The following RBFOX3 variants were observed in gnomAD, a reference collection of about 807,000 sequenced individuals.
The protein encoded by RBFOX3 is RNA binding protein fox-1 homolog 3.
RBFOX3 carries 17 observed loss-of-function variants against 48.7 expected under a neutral mutation model. The observed-to-expected ratio is 0.35, with a 90% CI of 0.24 to 0.52. The LOEUF is 0.52. Ranked by LOEUF, RBFOX3 falls within the 20% of genes least tolerant of loss-of-function variation. The pLI is 0.94. For missense variants in RBFOX3, 382 were observed against 497.5 expected, an observed-to-expected ratio of 0.77 and a Z score of 2.21; for synonymous variants, 212 against 209.5, an observed-to-expected ratio of 1.01 and a Z score of -0.10.
chr17:79,560,520 C>T (rs1276599692), intron 1 of RBFOX3, among the ~76,000 whole-genome samples: 2 of 152,148 alleles, frequency 1.3e-5, no homozygotes, highest in African/African-American at 4.8e-5. Context: ...ACGGTGGGCA[C>T]CTAATGAGCA....
chr17:79,627,343 T>G, the RBFOX3 span, among the ~76,000 whole-genome samples: 2 of 152,092 alleles, frequency 1.3e-5, no homozygotes, highest in Non-Finnish European at 2.9e-5. Flanking sequence ...CCATGGCACC[T>G]GAGAAATAGG....
intron 3 of RBFOX3, among the ~76,000 whole-genome samples, chr17:79,276,434 C>T (rs2068839079): frequency 6.6e-6 from 1 of 152,096 alleles, no homozygotes; most frequent in Non-Finnish European, 1.5e-5. Context: ...GCCTATAATC[C>T]CAGCACTTTG....
chr17:79,315,211 G>A (rs1347357505), intron 2 of RBFOX3, among the ~76,000 whole-genome samples: 1 of 152,170 alleles, frequency 6.6e-6, no homozygotes, highest in Admixed American at 6.5e-5. Context: ...GATTCCGGAG[G>A]GAGCCACTTC....
At chr17:79,106,552 C>T (rs953734452) in intron 6 of RBFOX3, 99 bp downstream of exon 6, 274 of 1,359,574 alleles carry the variant, frequency 2.0e-4, no homozygotes, top group Middle Eastern at 7.6e-4. Context: ...GCAGGAAACC[C>T]GGGGGAACAG....
In RBFOX3 at chr17:79,311,746, C is replaced by T. The variant is rs537478324; in HGVS notation, c.-174-3922G>A. 2.0e-5 allele frequency among the ~76,000 whole-genome samples: 3 copies of T among 152,156 alleles called. No individual in the cohort carries two copies. Among genetic ancestry groups the T allele is most frequent in the Non-Finnish European group, 4.4e-5 (3 of 68,030 alleles). The stretch of plus-strand genomic sequence containing the variant: ...AGACATCCCACCTCCCCATGCTCTG[C>T]CCAGCATGCAGTTCTGGCTGGTGGA... On this transcript the variant is annotated intron_variant, in intron 2 of 14. Coordinates refer to ENST00000693108, the MANE Select transcript of RBFOX3 (RefSeq NM_001350451.2). This position sits in a 1 kb window ranked among gnomAD's most constrained non-coding sequence, Gnocchi z 4.2.
chr17:79,323,805 C>A (rs1470829295), intron 2 of RBFOX3, among the ~76,000 whole-genome samples: 2 of 152,240 alleles, frequency 1.3e-5, no homozygotes, highest in Admixed American at 1.3e-4. Flanking sequence ...CCAATGCGAG[C>A]CCGCAGTGAG....
intron 3 of RBFOX3, among the ~76,000 whole-genome samples, chr17:79,301,879 A>AC (rs1309506565): frequency 6.6e-6 from 1 of 152,130 alleles, no homozygotes; most frequent in South Asian, 2.1e-4. Flanking sequence ...GTGTGATCCC[A>AC]CTCACGTGAG....
At chr17:79,496,074 T>C (rs964083228) in intron 1 of RBFOX3, among the ~76,000 whole-genome samples, 32 of 151,910 alleles carry the variant, frequency 2.1e-4, no homozygotes, top group Admixed American at 6.6e-4. Context: ...CTTAATAGAA[T>C]GCTGAACTTT....
At chr17:79,142,963 GGACTAGAAGAC>G (rs2042204548) in intron 4 of RBFOX3, among the ~76,000 whole-genome samples, 1 of 152,172 alleles carries the variant, frequency 6.6e-6, no homozygotes, top group Non-Finnish European at 1.5e-5. Flanking sequence ...CCAGGTCCCA[GGACTAGAAGAC>G]GAAGAGGGAG....
chr17:79,355,026 G>A (rs932978022), intron 2 of RBFOX3, among the ~76,000 whole-genome samples: 1 of 152,142 alleles, frequency 6.6e-6, no homozygotes. Flanking sequence ...CCCTCTAATG[G>A]GGACTCTTCC....
intron 1 of RBFOX3, among the ~76,000 whole-genome samples, chr17:79,574,850 C>A (rs1468913339): frequency 6.6e-6 from 1 of 152,242 alleles, no homozygotes; most frequent in Non-Finnish European, 1.5e-5. Flanking sequence ...ACCCAGAGCC[C>A]TCCTCAAACT....
intron 2 of RBFOX3, among the ~76,000 whole-genome samples, chr17:79,335,816 A>G (rs949414941): frequency 4.0e-5 from 6 of 151,846 alleles, no homozygotes; most frequent in African/African-American, 1.2e-4. Context: ...GGCACCGCAC[A>G]CTCAGGCAAT....
At chr17:79,618,947 A>G in the RBFOX3 span, among the ~76,000 whole-genome samples, 1 of 152,192 alleles carries the variant, frequency 6.6e-6, no homozygotes, top group African/African-American at 2.4e-5. Flanking sequence ...ACACTCGCCC[A>G]GTCGGGGTTT....
intron 3 of RBFOX3, among the ~76,000 whole-genome samples, chr17:79,292,389 G>T (rs1252602852): frequency 6.6e-6 from 1 of 151,984 alleles, no homozygotes; most frequent in African/African-American, 2.4e-5. Flanking sequence ...GCAACCAGGG[G>T]ACCAGTGCTG....
chr17:79,486,382 T>A (rs2079608589), intron 1 of RBFOX3, among the ~76,000 whole-genome samples: 1 of 152,080 alleles, frequency 6.6e-6, no homozygotes, highest in South Asian at 2.1e-4. Context: ...ATGCGCTGAG[T>A]GCAGTGCTCA....
intron 1 of RBFOX3, among the ~76,000 whole-genome samples, chr17:79,511,488 C>G (rs1555781099): frequency 6.6e-6 from 1 of 152,126 alleles, no homozygotes; most frequent in East Asian, 1.9e-4. Flanking sequence ...AAGAGCTGCA[C>G]AGCAAAAGCA....
At chr17:79,549,097 G>A (rs564240399) in intron 1 of RBFOX3, among the ~76,000 whole-genome samples, 2 of 152,344 alleles carry the variant, frequency 1.3e-5, no homozygotes, top group South Asian at 4.1e-4. Context: ...CCAGGGCAGA[G>A]CAAACACCAG....
intron 3 of RBFOX3, among the ~76,000 whole-genome samples, chr17:79,268,102 G>A (rs544201572): frequency 1.1e-4 from 17 of 152,194 alleles, no homozygotes; most frequent in Non-Finnish European, 1.8e-4. Flanking sequence ...CCCATCTCCT[G>A]GAGGCGGAGT....
chr17:79,190,213 A>G (rs2054187976), intron 4 of RBFOX3, among the ~76,000 whole-genome samples: 1 of 152,206 alleles, frequency 6.6e-6, no homozygotes, highest in African/African-American at 2.4e-5. Context: ...GGAGTTTGAG[A>G]TCAGCCTGGG....
Sources: allele counts gnomAD v4.1 joint callset (sites outside exome capture counted in the v4.1 genomes callset), GRCh38; gene constraint gnomAD v4.1.1; non-coding constraint Gnocchi (gnomAD v3.1); transcripts MANE v1.5; gene names NCBI Gene and HGNC (gene_info 2026-07-23, HGNC 2026-07-21).